Variants in MYRFL observed in about 807,000 individuals in gnomAD.
MYRFL encodes myelin regulatory factor-like protein.
Under a neutral mutation model 109.4 loss-of-function variants are expected in MYRFL, and 88 were observed. That is an observed-to-expected ratio of 0.80 (90% CI 0.68 to 0.96). MYRFL has a LOEUF of 0.96. Among genes scored for constraint, MYRFL ranks in the 40% least tolerant of loss-of-function variants. The pLI is 0.00. For missense variants in MYRFL, 957 were observed against 954.9 expected (o/e 1.00, Z -0.03); for synonymous variants, 324 against 320.9 (o/e 1.01, Z -0.10).
intron 1 of MYRFL, among the ~76,000 whole-genome samples, chr12:69,826,498 G>T (rs1882286295): frequency 6.6e-6 from 1 of 152,034 alleles, no homozygotes; most frequent in Non-Finnish European, 1.5e-5. Flanking sequence ...TTGTATACAT[G>T]CAAAAATCTA....
rs1955302063 is a variant in MYRFL, at chr12:69,932,535, A to G, written c.1853A>G (p.Gln618Arg). 1 of 1,535,874 alleles carries G rather than the reference A, an allele frequency of 6.5e-7. No homozygotes were observed. Among genetic ancestry groups the G allele is most frequent in the South Asian group, 1.2e-5 (1 of 84,060 alleles). ...TAGGTTTATTTTTCAGGAAAAAGAC[A>G]GGCGTGTCCTAATTGGGTTTTCCAG... ...NNKVYFSGKR[Q>R]ACPNWVFQTL... The change falls in exon 16 of 25, where the codon CAG becomes CGG. Residue 618 changes from glutamine (Q) to arginine (R), a missense_variant. By Grantham distance (43) the Gln-to-Arg change is conservative. Coordinates refer to ENST00000552032, the MANE Select transcript of MYRFL (RefSeq NM_182530.3).
intron 13 of MYRFL, among the ~76,000 whole-genome samples, chr12:69,919,655 C>T (rs1954845390): frequency 6.6e-6 from 1 of 152,138 alleles, no homozygotes; most frequent in African/African-American, 2.4e-5. Flanking sequence ...AAAATAAACT[C>T]CTGGACAAAA....
chr12:69,827,564 G>A (rs1882361060), intron 1 of MYRFL, among the ~76,000 whole-genome samples: 1 of 151,798 alleles, frequency 6.6e-6, no homozygotes, highest in South Asian at 2.1e-4. Flanking sequence ...TGAGATGTTT[G>A]GTTTTTTCAG....
intron 13 of MYRFL, 79 bp downstream of exon 13, chr12:69,911,009 G>C: frequency 1.1e-6 from 1 of 923,310 alleles, no homozygotes; most frequent in Non-Finnish European, 1.6e-6. Flanking sequence ...ACAATGGGCT[G>C]AAACATCCAA....
intron 15 of MYRFL, among the ~76,000 whole-genome samples, chr12:69,930,739 G>A (rs1042187564): frequency 6.6e-6 from 1 of 150,930 alleles, no homozygotes; most frequent in Admixed American, 6.6e-5. Context: ...TTGAGCCCAG[G>A]TGGTAGAGGC....
chr12:69,934,479 G>A (rs529789486), intron 16 of MYRFL, among the ~76,000 whole-genome samples: 1 of 152,280 alleles, frequency 6.6e-6, no homozygotes, highest in Admixed American at 6.5e-5. Context: ...TGTCACATGG[G>A]GCAGCTGCCC....
chr12:69,934,693 C>T (rs949480528), intron 16 of MYRFL, among the ~76,000 whole-genome samples: 10 of 152,188 alleles, frequency 6.6e-5, no homozygotes, highest in African/African-American at 2.4e-4. Context: ...AAGTTCAGGT[C>T]GTCTTTCCTG....
Position 69,921,165 on chromosome 12 carries a change from C to A in MYRFL, c.1603-5406C>A, listed in dbSNP as rs146792446. Among the ~76,000 whole-genome samples the A allele has an allele frequency of 7.4e-3, 1,129 of 152,240 alleles. 13 individuals are homozygous for A. Among genetic ancestry groups the A allele is most frequent in the African/African-American group, 0.026 (1,080 of 41,546 alleles). On this transcript the variant is annotated intron_variant, in intron 13 of 24. Transcript: ENST00000552032. ...CAAGGATGGGCATCAAATGGGGAGACTTTTCAAAATGCCCCTCAGCCCTAA... is the reference window on the plus strand; with the variant it reads ...CAAGGATGGGCATCAAATGGGGAGAATTTTCAAAATGCCCCTCAGCCCTAA...
intron 6 of MYRFL, among the ~76,000 whole-genome samples, chr12:69,889,905 G>A (rs149532465): frequency 1.4e-3 from 208 of 152,034 alleles, no homozygotes; most frequent in African/African-American, 4.2e-3. Context: ...GGGATTTTCA[G>A]ATTTGGGATG....
intron 19 of MYRFL, among the ~76,000 whole-genome samples, chr12:69,944,870 A>C (rs979506892): frequency 2.6e-5 from 4 of 152,184 alleles, no homozygotes; most frequent in Non-Finnish European, 5.9e-5. Context: ...TACAACTTGA[A>C]GTATAATTTT....
At chr12:69,865,760 C>T (rs1042012955) in intron 2 of MYRFL, among the ~76,000 whole-genome samples, 2 of 152,088 alleles carry the variant, frequency 1.3e-5, no homozygotes, top group African/African-American at 4.8e-5. Flanking sequence ...AATATCTACC[C>T]ATAGGCTTCC....
chr12:69,847,675 A>G (rs1215221623), intron 1 of MYRFL, among the ~76,000 whole-genome samples: 1 of 152,194 alleles, frequency 6.6e-6, no homozygotes, highest in Non-Finnish European at 1.5e-5. Context: ...CTCTTTAAAA[A>G]AAGAAAAAGA....
intron 15 of MYRFL, among the ~76,000 whole-genome samples, chr12:69,931,744 T>G (rs1955276621): frequency 6.6e-6 from 1 of 152,206 alleles, no homozygotes; most frequent in South Asian, 2.1e-4. Flanking sequence ...GGCAGAAAAC[T>G]TCTATCTCTT....
intron 11 of MYRFL, 98 bp downstream of exon 11, chr12:69,903,942 A>C (rs542001807): frequency 9.1e-7 from 1 of 1,099,716 alleles, no homozygotes; most frequent in Non-Finnish European, 1.3e-6. Context: ...GCACATCTTT[A>C]CATGTCACCC....
chr12:69,936,717 G>C (rs1955483238), intron 19 of MYRFL, 85 bp downstream of exon 19: 3 of 1,236,376 alleles, frequency 2.4e-6, no homozygotes, highest in South Asian at 1.8e-5. Flanking sequence ...GGTCATTAAT[G>C]GTTCCAGATA....
intron 2 of MYRFL, among the ~76,000 whole-genome samples, chr12:69,860,300 A>G (rs964610388): frequency 2.6e-5 from 4 of 152,126 alleles, no homozygotes; most frequent in African/African-American, 9.7e-5. Context: ...TTATGGTTTT[A>G]TAGTATTCCA....
chr12:69,895,766 A>G (rs1240271), intron 9 of MYRFL, among the ~76,000 whole-genome samples: 118,102 of 152,088 alleles, frequency 0.78, 45,912 homozygotes, highest in Middle Eastern at 0.84. Context: ...ACATGTTTAT[A>G]TCTCATTGCC....
intron 11 of MYRFL, among the ~76,000 whole-genome samples, chr12:69,906,542 C>A (rs1954368173): frequency 1.3e-5 from 2 of 150,520 alleles, no homozygotes; most frequent in South Asian, 4.2e-4. Flanking sequence ...AAAAAGGTAG[C>A]AAGATATTAA....
At chr12:69,868,109 C>CTT (rs146729804) in intron 2 of MYRFL, among the ~76,000 whole-genome samples, 47 of 135,656 alleles carry the variant, frequency 3.5e-4, no homozygotes, top group African/African-American at 1.1e-3. Flanking sequence ...TTTTTTTTTT[C>CTT]TTTTTTTTTT....
Sources: allele counts gnomAD v4.1 joint callset (sites outside exome capture counted in the v4.1 genomes callset), GRCh38; gene constraint gnomAD v4.1.1; transcripts MANE v1.5; gene names NCBI Gene and HGNC (gene_info 2026-07-23, HGNC 2026-07-21).